NBAS: variants seen among roughly 807,000 people sequenced by gnomAD.
The protein encoded by NBAS is NBAS subunit of NRZ tethering complex.
A neutral mutation model predicts 302.5 loss-of-function variants in NBAS; 219 were observed. That is an observed-to-expected ratio of 0.72 (90% CI 0.65 to 0.81). The LOEUF (loss-of-function observed/expected upper bound fraction) is 0.81. Among genes scored for constraint, NBAS ranks in the 30% least tolerant of loss-of-function variants. NBAS has a pLI of 0.00. For missense variants in NBAS, 2,932 were observed against 2,841.6 expected, an observed-to-expected ratio of 1.03 and a Z score of -0.72; for synonymous variants, 1,118 against 1,021.6, an observed-to-expected ratio of 1.09 and a Z score of -1.80.
the NBAS span, among the ~76,000 whole-genome samples, chr2:14,898,780 G>C: frequency 1.3e-5 from 2 of 152,172 alleles, no homozygotes; most frequent in Non-Finnish European, 2.9e-5. Context: ...CAGCCATGTG[G>C]AACTGTAAGT....
At chr2:15,115,850 G>A in the NBAS span, among the ~76,000 whole-genome samples, 29 of 152,270 alleles carry the variant, frequency 1.9e-4, no homozygotes, top group African/African-American at 7.0e-4. Context: ...TAGGGCCTCA[G>A]CAGATGACCT....
chr2:15,409,572 T>C (rs540344769), intron 25 of NBAS, among the ~76,000 whole-genome samples: 1 of 152,354 alleles, frequency 6.6e-6, no homozygotes, highest in East Asian at 1.9e-4. Flanking sequence ...TTTAATGTTT[T>C]GCTTTTATTA....
chr2:15,173,345 T>C (rs535736069), intron 51 of NBAS, among the ~76,000 whole-genome samples: 24 of 152,356 alleles, frequency 1.6e-4, no homozygotes, highest in East Asian at 1.5e-3. Flanking sequence ...TAAGAGTAAT[T>C]ACAATAATGA....
At chr2:15,437,586 A>G (rs1678093528) in intron 21 of NBAS, among the ~76,000 whole-genome samples, 1 of 152,238 alleles carries the variant, frequency 6.6e-6, no homozygotes, top group Non-Finnish European at 1.5e-5. Context: ...TGCAGGGCGA[A>G]TAAGTCTAAC....
At chr2:15,448,452 C>T (rs1572868494) in intron 21 of NBAS, among the ~76,000 whole-genome samples, 1 of 152,108 alleles carries the variant, frequency 6.6e-6, no homozygotes, top group Non-Finnish European at 1.5e-5. Flanking sequence ...GAAACTGAAG[C>T]CAAATGACTT....
chr2:15,319,045 T>G (rs918497814), intron 38 of NBAS, among the ~76,000 whole-genome samples: 1 of 152,142 alleles, frequency 6.6e-6, no homozygotes, highest in African/African-American at 2.4e-5. Context: ...CACAACAAAC[T>G]TTCTCTCAGA....
chr2:15,054,864 T>C, the NBAS span, among the ~76,000 whole-genome samples: 1 of 152,148 alleles, frequency 6.6e-6, no homozygotes, highest in African/African-American at 2.4e-5. Flanking sequence ...TGCAAGATGT[T>C]AATAGAGAGT....
the NBAS span, among the ~76,000 whole-genome samples, chr2:15,114,062 C>T: frequency 5.3e-5 from 8 of 152,070 alleles, no homozygotes. Flanking sequence ...TATTAAATTA[C>T]AGGAATCAAT....
At position 15,275,705 on chromosome 2, in the gene NBAS, C is replaced by T; in HGVS notation, c.5503G>A (p.Glu1835Lys). 6.2e-7 allele frequency: 1 copy of T among 1,614,136 alleles called. No individual in the cohort carries two copies. Among genetic ancestry groups the T allele is most frequent in the Non-Finnish European group, 8.5e-7 (1 of 1,180,030 alleles). The change falls in exon 44 of 52, where the codon GAA (glutamate) becomes AAA (lysine). Residue 1835 changes from glutamate to lysine, a missense_variant. Glu to Lys is a moderately conservative substitution (Grantham distance 56). Coordinates refer to ENST00000281513, the MANE Select transcript of NBAS (RefSeq NM_015909.4). ...SISKLVPKIP[E>K]KDGQMLSPSS... ...GGGGAAAGCATCTGTCCATCCTTTTCAGGGATTTTGGGAACAAGTTTGGAA... is the reference window on the plus strand; with the variant it reads ...GGGGAAAGCATCTGTCCATCCTTTTTAGGGATTTTGGGAACAAGTTTGGAA...
intron 10 of NBAS, among the ~76,000 whole-genome samples, chr2:15,507,022 G>T (rs551284966): frequency 2.0e-5 from 3 of 152,196 alleles, no homozygotes; most frequent in Non-Finnish European, 4.4e-5. Context: ...AGCATTGTAA[G>T]GAAAGGAAAA....
chr2:15,302,492 G>A (rs190878241), intron 40 of NBAS, among the ~76,000 whole-genome samples: 16 of 152,168 alleles, frequency 1.1e-4, no homozygotes, highest in East Asian at 3.9e-4. Flanking sequence ...TCTGAACAGC[G>A]GCTACCCTAT....
chr2:15,534,676 AT>A (rs1419496219), intron 8 of NBAS, 35 bp from the exon 9 acceptor site: 1 of 1,404,124 alleles, frequency 7.1e-7, no homozygotes, highest in Non-Finnish European at 1.0e-6. Flanking sequence ...AGTAAATACC[AT>A]TAAACCACAA....
At chr2:15,285,291 C>A (rs1486482504) in intron 42 of NBAS, among the ~76,000 whole-genome samples, 1 of 152,034 alleles carries the variant, frequency 6.6e-6, no homozygotes, top group Non-Finnish European at 1.5e-5. Flanking sequence ...GGATTTGACC[C>A]CACTCAATAC....
the NBAS span, among the ~76,000 whole-genome samples, chr2:14,849,425 C>T: frequency 6.6e-6 from 1 of 151,252 alleles, no homozygotes; most frequent in Admixed American, 6.6e-5. Flanking sequence ...AAATATGGGA[C>T]TATGTGAAAA....
At chr2:15,375,400 A>G (rs1376850964) in intron 30 of NBAS, among the ~76,000 whole-genome samples, 2 of 152,186 alleles carry the variant, frequency 1.3e-5, no homozygotes, top group African/African-American at 4.8e-5. Context: ...GGAACATTGG[A>G]ATGTAAGATT....
At chr2:14,798,636 T>G in the NBAS span, among the ~76,000 whole-genome samples, 2 of 152,114 alleles carry the variant, frequency 1.3e-5, no homozygotes, top group African/African-American at 4.8e-5. Flanking sequence ...TCTGGAACAG[T>G]TGCGTAGAAT....
intron 42 of NBAS, among the ~76,000 whole-genome samples, chr2:15,285,441 C>T (rs935646705): frequency 2.0e-5 from 3 of 152,126 alleles, no homozygotes; most frequent in African/African-American, 4.8e-5. Flanking sequence ...ATGTGGAAGA[C>T]TTCAAGCACT....
intron 44 of NBAS, among the ~76,000 whole-genome samples, chr2:15,254,641 T>C (rs923877147): frequency 5.3e-5 from 8 of 152,306 alleles, no homozygotes; most frequent in Non-Finnish European, 1.0e-4. Context: ...GGTGTACCCA[T>C]CACTGGAGCA....
intron 11 of NBAS, among the ~76,000 whole-genome samples, chr2:15,501,059 C>T (rs2380656): frequency 0.58 from 87,763 of 151,794 alleles, 25,914 homozygotes; most frequent in Middle Eastern, 0.64. Context: ...CCCAGCACTT[C>T]GGGAGGCCGA....
Sources: allele counts gnomAD v4.1 joint callset (sites outside exome capture counted in the v4.1 genomes callset), GRCh38; gene constraint gnomAD v4.1.1; transcripts MANE v1.5; gene names NCBI Gene and HGNC (gene_info 2026-07-23, HGNC 2026-07-21).